Variants in OPHN1 observed in about 807,000 individuals in gnomAD.
OPHN1 encodes oligophrenin-1.
Under a neutral mutation model 60.7 loss-of-function variants are expected in OPHN1, and 11 were observed. The observed-to-expected ratio is 0.18, with a 90% CI of 0.11 to 0.30. OPHN1 has a LOEUF of 0.30. OPHN1 is among the 10% of genes least tolerant of loss of function. The pLI, the probability that OPHN1 is intolerant of heterozygous loss-of-function variation, is 1.00. For missense variants in OPHN1, 449 were observed against 611.0 expected (o/e 0.73, Z 2.80); for synonymous variants, 226 against 222.6 (o/e 1.02, Z -0.14).
intron 19 of OPHN1, among the ~76,000 whole-genome samples, chrX:68,076,512 T>G (rs1378822175): frequency 9.1e-6 from 1 of 110,303 alleles, no homozygotes; most frequent in Non-Finnish European, 1.9e-5. Context: ...ACCCAGAGAG[T>G]TTAGCTGGAG....
intron 15 of OPHN1, chrX:68,133,023 T>C (rs1287924552): frequency 2.1e-6 from 1 of 483,274 alleles, no homozygotes; most frequent in Non-Finnish European, 3.7e-6. Context: ...ACGCAGACCC[T>C]ACCGCCAACT....
At chrX:68,229,350 T>C (rs775155313) in intron 6 of OPHN1, among the ~76,000 whole-genome samples, 7 of 111,959 alleles carry the variant, frequency 6.3e-5, no homozygotes, top group East Asian at 5.6e-4. Flanking sequence ...AGGTAATTTA[T>C]AGATTCAATG....
chrX:68,389,145 C>G (rs777485512), intron 2 of OPHN1, among the ~76,000 whole-genome samples: 4 of 103,327 alleles, frequency 3.9e-5, no homozygotes, highest in Admixed American at 3.2e-4. Context: ...TTGGTAGAGA[C>G]AGGGTCTCGC....
At chrX:68,125,301 C>A (rs1327492817) in intron 15 of OPHN1, among the ~76,000 whole-genome samples, 1 of 110,880 alleles carries the variant, frequency 9.0e-6, no homozygotes, top group Non-Finnish European at 1.9e-5. Context: ...CAAGAGCAAA[C>A]CAAATCCAAA....
At chrX:68,114,055 T>C (rs765131087) in intron 16 of OPHN1, among the ~76,000 whole-genome samples, 8 of 109,583 alleles carry the variant, frequency 7.3e-5, no homozygotes, top group African/African-American at 1.3e-4. Context: ...CAGAGATGAA[T>C]AGAAATAGTC....
chrX:68,080,315 T>C (rs144801257), intron 19 of OPHN1, among the ~76,000 whole-genome samples: 31 of 112,428 alleles, frequency 2.8e-4, no homozygotes, highest in African/African-American at 1.0e-3. Flanking sequence ...GGTTATTTTA[T>C]GGAACTTAAT....
At chrX:68,175,573 T>C (rs773496484) in intron 15 of OPHN1, among the ~76,000 whole-genome samples, 4 of 111,417 alleles carry the variant, frequency 3.6e-5, no homozygotes, top group Non-Finnish European at 7.5e-5. Context: ...GGTTTAGAAA[T>C]ACCACACCTC....
chrX:68,208,816 T>C (rs1007590687), intron 9 of OPHN1, among the ~76,000 whole-genome samples: 11 of 111,970 alleles, frequency 9.8e-5, no homozygotes, highest in African/African-American at 3.6e-4. Flanking sequence ...GAGATTACTA[T>C]GAGCACAAAG....
chrX:68,247,064 G>A (rs2077809783), intron 5 of OPHN1, among the ~76,000 whole-genome samples: 1 of 111,250 alleles, frequency 9.0e-6, no homozygotes, highest in Non-Finnish European at 1.9e-5. Flanking sequence ...AACTTTCTTT[G>A]TACAAGCTGA....
intron 5 of OPHN1, among the ~76,000 whole-genome samples, chrX:68,261,311 G>C (rs1301502747): frequency 9.0e-6 from 1 of 111,537 alleles, no homozygotes; most frequent in African/African-American, 3.3e-5. Context: ...ATGAATCAAA[G>C]GGTACAAATA....
intron 21 of OPHN1, among the ~76,000 whole-genome samples, chrX:68,056,950 AC>A (rs2076875541): frequency 8.9e-6 from 1 of 111,830 alleles, no homozygotes; most frequent in African/African-American, 3.3e-5. Context: ...TTTTTAGCTA[AC>A]CTTTATTGAA....
At chrX:68,268,775 C>A (rs927386069) in intron 5 of OPHN1, among the ~76,000 whole-genome samples, 1 of 111,190 alleles carries the variant, frequency 9.0e-6, no homozygotes, top group Non-Finnish European at 1.9e-5. Flanking sequence ...AAAGGGTATT[C>A]AATTAGGAAA....
chrX:68,276,741 C>A (rs935115840), intron 4 of OPHN1, among the ~76,000 whole-genome samples: 5 of 111,134 alleles, frequency 4.5e-5, no homozygotes, highest in African/African-American at 6.6e-5. Flanking sequence ...AAGTAACACT[C>A]TGTGACATTT....
At chrX:68,095,907 C>T (rs2077036719) in intron 19 of OPHN1, among the ~76,000 whole-genome samples, 1 of 111,633 alleles carries the variant, frequency 9.0e-6, no homozygotes. Flanking sequence ...TTGTACTTGA[C>T]CTGATTATAA....
At chrX:68,159,202 C>G (rs754275045) in intron 15 of OPHN1, among the ~76,000 whole-genome samples, 2 of 111,761 alleles carry the variant, frequency 1.8e-5, no homozygotes, top group South Asian at 7.6e-4. Flanking sequence ...TCCCTGAAAA[C>G]AGTGTAGATT....
chrX:68,135,352 G>T (rs983541435), intron 15 of OPHN1, among the ~76,000 whole-genome samples: 1 of 112,134 alleles, frequency 8.9e-6, no homozygotes, highest in African/African-American at 3.2e-5. Flanking sequence ...GGAAGCCAGT[G>T]AAAGTAAAGT....
intron 5 of OPHN1, among the ~76,000 whole-genome samples, chrX:68,254,915 G>T (rs146648334): frequency 0.054 from 5,877 of 108,215 alleles, 188 homozygotes; most frequent in African/African-American, 0.1. Flanking sequence ...CTACCTGGGC[G>T]GGGCTGAGGC....
intron 2 of OPHN1, among the ~76,000 whole-genome samples, chrX:68,325,586 G>A (rs866196266): frequency 1.5e-5 from 1 of 66,027 alleles, no homozygotes; most frequent in African/African-American, 9.4e-5. Flanking sequence ...TTAAACTTTT[G>A]GATAAAGACC....
At chrX:68,409,652 A>ATGAGGGC (rs745674652) in intron 2 of OPHN1, among the ~76,000 whole-genome samples, 14 of 111,922 alleles carry the variant, frequency 1.3e-4, no homozygotes, top group African/African-American at 4.2e-4. Flanking sequence ...AAGATGAGGA[A>ATGAGGGC]TGAGGGCTGA....
Sources: gnomAD v4.1 joint callset for allele counts (sites outside exome capture counted in the v4.1 genomes callset) on GRCh38, gnomAD v4.1.1 for gene constraint, MANE v1.5 for transcripts, NCBI Gene and HGNC (gene_info 2026-07-23, HGNC 2026-07-21) for gene names.